Variants in CD36 observed in about 807,000 individuals in gnomAD.
CD36 encodes CD36 molecule (CD36 blood group), also known as platelet glycoprotein 4.
Under a neutral mutation model 55.2 loss-of-function variants are expected in CD36, and 119 were observed. The observed-to-expected ratio is 2.15, with a 90% CI of 1.86 to 2.51. The LOEUF (loss-of-function observed/expected upper bound fraction) is 2.51, where lower values mean the gene tolerates loss of function less well. CD36 is among the 30% of genes most tolerant of loss of function. The pLI, the probability that CD36 is intolerant of heterozygous loss-of-function variation, is 0.00. For missense variants in CD36, 819 were observed against 555.5 expected (o/e 1.47, Z -4.77); for synonymous variants, 186 against 193.6 (o/e 0.96, Z 0.33).
chr7:80,655,832 G>A (rs966317144), intron 3 of CD36, among the ~76,000 whole-genome samples: 2 of 151,078 alleles, frequency 1.3e-5, no homozygotes, highest in Non-Finnish European at 2.9e-5. Context: ...CAGGTGAGAG[G>A]ATCACTTGAG....
chr7:80,635,183 A>G (rs939191404), upstream of CD36, among the ~76,000 whole-genome samples: 4 of 152,178 alleles, frequency 2.6e-5, no homozygotes, highest in Admixed American at 6.6e-5. Flanking sequence ...ACACTTTTCT[A>G]TAATTTTCAA....
At chr7:80,617,149 C>A (rs1292805417) in intron 1 of CD36, among the ~76,000 whole-genome samples, 2 of 151,968 alleles carry the variant, frequency 1.3e-5, no homozygotes, top group Non-Finnish European at 2.9e-5. Context: ...AGGTCCTATT[C>A]TAATTTACAT....
chr7:80,650,643 ATAAT>A (rs1337405425), intron 3 of CD36, among the ~76,000 whole-genome samples: 22 of 152,188 alleles, frequency 1.4e-4, no homozygotes, highest in Admixed American at 1.0e-3. Flanking sequence ...TTGGAAAAAA[ATAAT>A]TAAACTTCTT....
intron 9 of CD36, chr7:80,670,560 A>T (rs921005311): frequency 6.9e-5 from 16 of 231,640 alleles, no homozygotes; most frequent in Non-Finnish European, 1.2e-4. Flanking sequence ...TATGATAGAC[A>T]CTTGGTAAAC....
chr7:80,675,788 A>T (rs893566406), intron 14 of CD36, among the ~76,000 whole-genome samples: 1 of 152,178 alleles, frequency 6.6e-6, no homozygotes, highest in African/African-American at 2.4e-5. Context: ...AAAGTGTAAG[A>T]CGGTGGAGCT....
At chr7:80,656,420 A>G (rs1796071314) in intron 3 of CD36, 120 bp from the exon 4 acceptor site, 3 of 789,902 alleles carry the variant, frequency 3.8e-6, no homozygotes, top group African/African-American at 3.5e-5. Context: ...AAAGGTTCTC[A>G]TGAATGAGGT....
chr7:80,602,271 CA>C (rs1792279999), exon 1 of CD36: 3 of 152,274 alleles, frequency 2.0e-5, no homozygotes, highest in Admixed American at 2.0e-4. Context: ...TCTGAGTTCT[CA>C]GCTGCTATGC....
chr7:80,638,728 C>A lies in CD36; in HGVS notation c.-202C>A. 1 of 151,816 alleles carries A rather than the reference C, an allele frequency of 6.6e-6. No individual in the cohort carries two copies. The highest frequency in any genetic ancestry group is 1.9e-4 in the East Asian group (1 of 5,186). The allele number at this position is 151,816 out of a possible 1,614,324, so 9.4% of individuals were successfully genotyped here. A position where few individuals can be genotyped will look rare whatever the true frequency, so the allele number is the denominator to read the frequency against. ...TGTTGGAGCATTTGATTGAAAAATC[C>A]TTCTTAGCCATTTTAAAGGTAAGTT... On this transcript the variant is annotated 5_prime_UTR_variant, in exon 1 of 15. Transcript: ENST00000447544.
At chr7:80,610,552 TTTTA>T (rs58416983) in intron 1 of CD36, among the ~76,000 whole-genome samples, 2 of 151,722 alleles carry the variant, frequency 1.3e-5, no homozygotes, top group East Asian at 1.9e-4. Context: ...GTTATTTTAA[TTTTA>T]TTTATTTATT....
chr7:80,613,717 T>C (rs926219651), intron 1 of CD36, among the ~76,000 whole-genome samples: 3 of 152,176 alleles, frequency 2.0e-5, no homozygotes, highest in African/African-American at 7.2e-5. Flanking sequence ...TATTTAAGTC[T>C]AGTCAGCAGT....
rs1562801524 is a variant in CD36, at chr7:80,656,555, G to A, written c.136G>A (p.Glu46Lys). 1.9e-6 allele frequency: 3 copies of A among 1,613,604 alleles called. No homozygotes were observed. Among genetic ancestry groups the A allele is most frequent in the Non-Finnish European group, 2.5e-6 (3 of 1,179,712 alleles). ...TTTTTCATAGCAAGTTGTCCTCGAA[G>A]AAGGTACAATTGCTTTTAAAAATTG... ...KTIKKQVVLE[E>K]GTIAFKNWVK... The change falls in exon 4 of 15, where the codon GAA (glutamate) becomes AAA (lysine). Residue 46 changes from glutamate to lysine, a missense_variant. Glu to Lys is a moderately conservative substitution (Grantham distance 56). Transcript: ENST00000447544.
At chr7:80,640,493 G>A (rs1236486736) in intron 1 of CD36, among the ~76,000 whole-genome samples, 1 of 151,730 alleles carries the variant, frequency 6.6e-6, no homozygotes, top group African/African-American at 2.4e-5. Flanking sequence ...ACTCATTTTA[G>A]AGAAAACTGT....
upstream of CD36, among the ~76,000 whole-genome samples, chr7:80,634,389 C>T (rs192781629): frequency 3.2e-4 from 49 of 152,074 alleles, no homozygotes; most frequent in East Asian, 6.6e-3. Context: ...TAAAAAAAAT[C>T]GCTTAGTTTT....
At chr7:80,669,910 A>C (rs1278791502) in intron 8 of CD36, 43 bp from the exon 9 acceptor site, 2 of 1,371,620 alleles carry the variant, frequency 1.5e-6, no homozygotes, top group Non-Finnish European at 2.1e-6. Context: ...TTTTTCTAGA[A>C]CACACATTAC....
chr7:80,662,414 AC>A, intron 5 of CD36: 1 of 235,946 alleles, frequency 4.2e-6, no homozygotes, highest in South Asian at 7.3e-5. Flanking sequence ...CTGTACTGAG[AC>A]CTGTTGGAGC....
chr7:80,615,250 TA>T (rs2115825391), intron 1 of CD36, among the ~76,000 whole-genome samples: 1 of 152,276 alleles, frequency 6.6e-6, no homozygotes, highest in South Asian at 2.1e-4. Context: ...TGTGACCTTT[TA>T]AAAGTACAAA....
intron 8 of CD36, among the ~76,000 whole-genome samples, chr7:80,667,747 G>GTTTTTTGTTTT (rs1363671181): frequency 1.2e-5 from 1 of 82,636 alleles, no homozygotes; most frequent in African/African-American, 4.2e-5. Flanking sequence ...GTTTTCTTTT[G>GTTTTTTGTTTT]TTTTTTTTTT....
chr7:80,643,512 A>AT, intron 1 of CD36, among the ~76,000 whole-genome samples: 1 of 152,186 alleles, frequency 6.6e-6, no homozygotes, highest in East Asian at 1.9e-4. Flanking sequence ...TTCCTGCTGC[A>AT]TTTTTTATGT....
intron 2 of CD36, 60 bp from the exon 3 acceptor site, chr7:80,646,592 A>G: frequency 1.1e-6 from 1 of 905,566 alleles, no homozygotes; most frequent in Non-Finnish European, 1.8e-6. Context: ...TTTTCTTTGT[A>G]CTTTGATCTT....
Sources: gnomAD v4.1 joint callset for allele counts (sites outside exome capture counted in the v4.1 genomes callset) on GRCh38, gnomAD v4.1.1 for gene constraint, MANE v1.5 for transcripts, NCBI Gene and HGNC (gene_info 2026-07-23, HGNC 2026-07-21) for gene names.